Variants in CDYL observed in about 807,000 individuals in gnomAD.
CDYL encodes chromodomain Y-like protein.
A neutral mutation model predicts 47.3 loss-of-function variants in CDYL; 8 were observed. The observed-to-expected ratio is 0.17, with a 90% CI of 0.10 to 0.31. CDYL has a LOEUF of 0.31. Among genes scored for constraint, CDYL ranks in the 10% least tolerant of loss-of-function variants. The probability of loss-of-function intolerance (pLI) is 1.00; values close to 1 mark genes in which losing one functional copy is unlikely to be tolerated. For synonymous variants in CDYL, 266 were observed against 265.0 expected, an observed-to-expected ratio of 1.00 and a Z score of -0.04; for missense variants, 471 against 701.4, an observed-to-expected ratio of 0.67 and a Z score of 3.71.
chr6:4,804,834 T>G (rs2127441152), intron 1 of CDYL, among the ~76,000 whole-genome samples: 1 of 152,338 alleles, frequency 6.6e-6, no homozygotes, highest in African/African-American at 2.4e-5. Flanking sequence ...CTGGAAGGCT[T>G]TTTTAGTCCA....
chr6:4,723,324 T>C (rs1332400741), intron 2 of CDYL, among the ~76,000 whole-genome samples: 1 of 151,920 alleles, frequency 6.6e-6, no homozygotes, highest in East Asian at 1.9e-4. Context: ...ATTCCTAGGG[T>C]CCTAGAACCA....
chr6:4,857,544 G>A (rs1234924073), intron 1 of CDYL, among the ~76,000 whole-genome samples: 1 of 152,138 alleles, frequency 6.6e-6, no homozygotes, highest in Non-Finnish European at 1.5e-5. Flanking sequence ...TTGTAGCTTT[G>A]TAGGCCTTTG....
chr6:4,893,229 G>T (rs1264651034), intron 2 of CDYL, among the ~76,000 whole-genome samples: 1 of 152,200 alleles, frequency 6.6e-6, no homozygotes, highest in African/African-American at 2.4e-5. Context: ...CCACCCCATT[G>T]CCTTCAGTAG....
chr6:4,708,953 G>A (rs560579196), intron 1 of CDYL, among the ~76,000 whole-genome samples: 15 of 152,236 alleles, frequency 9.9e-5, no homozygotes, highest in African/African-American at 3.6e-4. Context: ...GTTGCAGTGA[G>A]CCAAGATCAT....
intron 1 of CDYL, among the ~76,000 whole-genome samples, chr6:4,807,845 G>A (rs983172745): frequency 4.6e-5 from 7 of 151,840 alleles, no homozygotes; most frequent in African/African-American, 1.5e-4. Flanking sequence ...GGGGTCAAGC[G>A]ATCCACTTGC....
intron 1 of CDYL, among the ~76,000 whole-genome samples, chr6:4,789,024 C>T (rs1035937428): frequency 1.1e-4 from 16 of 152,038 alleles, no homozygotes; most frequent in East Asian, 1.9e-4. Context: ...CATTCTGTCC[C>T]GGGAATAGCC....
At chr6:4,861,300 G>T (rs1014847629) in intron 1 of CDYL, among the ~76,000 whole-genome samples, 5 of 152,240 alleles carry the variant, frequency 3.3e-5, no homozygotes, top group African/African-American at 1.2e-4. Flanking sequence ...TTAACTGTGG[G>T]CATAAGTTGT....
intron 1 of CDYL, among the ~76,000 whole-genome samples, chr6:4,834,617 G>T (rs1284816182): frequency 1.3e-5 from 2 of 151,052 alleles, no homozygotes; most frequent in South Asian, 2.1e-4. Context: ...CTGAATGTTG[G>T]CCTGCCTTGC....
chr6:4,769,802 G>A (rs914211691), intron 3 of CDYL, among the ~76,000 whole-genome samples: 1 of 152,180 alleles, frequency 6.6e-6, no homozygotes, highest in Non-Finnish European at 1.5e-5. Flanking sequence ...TTTTGTTTTT[G>A]TTTTTGTTTT....
chr6:4,934,987 C>T (rs1193033002), intron 2 of CDYL, among the ~76,000 whole-genome samples: 1 of 152,206 alleles, frequency 6.6e-6, no homozygotes, highest in Non-Finnish European at 1.5e-5. Context: ...GAAACAACTC[C>T]TGAGTGTCCC....
intron 3 of CDYL, among the ~76,000 whole-genome samples, chr6:4,752,038 G>A (rs1166412383): frequency 6.6e-6 from 1 of 152,126 alleles, no homozygotes; most frequent in Non-Finnish European, 1.5e-5. Context: ...AACATGTGTT[G>A]CTGCACATGT....
At chr6:4,732,126 G>A (rs1757615982) in intron 2 of CDYL, among the ~76,000 whole-genome samples, 1 of 152,162 alleles carries the variant, frequency 6.6e-6, no homozygotes, top group Non-Finnish European at 1.5e-5. Context: ...CTTGAGCCAA[G>A]GAGTTTGGGA....
At position 4,895,487 on chromosome 6, in the gene CDYL, A is replaced by C. The variant is rs1412155827; in HGVS notation, c.691+3108A>C. On this transcript the variant is annotated intron_variant, in intron 2 of 6. Transcript: ENST00000397588. Reference sequence around the variant, plus strand: ...TACATATATACGTATATATGTATATATACATGTATACATATATACGTATAT... The same window carrying C: ...TACATATATACGTATATATGTATATCTACATGTATACATATATACGTATAT... 1.1e-3 allele frequency among the ~76,000 whole-genome samples: 131 copies of C among 123,170 alleles called. 40 individuals carry two copies. Among genetic ancestry groups the C allele is most frequent in the African/African-American group, 4.0e-3 (126 of 31,802 alleles). The allele number at this position is 123,170 out of a possible 152,430, so 80.8% of individuals were successfully genotyped here.
chr6:4,895,107 G>A (rs1233384165), intron 2 of CDYL, among the ~76,000 whole-genome samples: 1 of 150,510 alleles, frequency 6.6e-6, no homozygotes, highest in Admixed American at 6.6e-5. Context: ...GTGTGTATAT[G>A]TATCTATATG....
At chr6:4,745,870 G>A (rs575759965) in intron 3 of CDYL, among the ~76,000 whole-genome samples, 36 of 152,290 alleles carry the variant, frequency 2.4e-4, no homozygotes, top group South Asian at 1.2e-3. Flanking sequence ...CAGTAGTGGA[G>A]GCAACAGTGC....
At chr6:4,900,420 T>C (rs1250987125) in intron 2 of CDYL, among the ~76,000 whole-genome samples, 1 of 152,180 alleles carries the variant, frequency 6.6e-6, no homozygotes, top group Non-Finnish European at 1.5e-5. Flanking sequence ...TTCCCTCTCC[T>C]CTTTCTCCCC....
chr6:4,781,104 A>G (rs1232877467), intron 1 of CDYL, among the ~76,000 whole-genome samples: 1 of 152,246 alleles, frequency 6.6e-6, no homozygotes, highest in Non-Finnish European at 1.5e-5. Context: ...TTCATTTTCA[A>G]AAATGGAAGT....
intron 3 of CDYL, among the ~76,000 whole-genome samples, chr6:4,937,265 G>A (rs529169933): frequency 2.7e-5 from 4 of 148,688 alleles, no homozygotes; most frequent in South Asian, 2.2e-4. Flanking sequence ...AGGCTGAGGC[G>A]GGAGGATTGT....
At chr6:4,772,254 T>C (rs932814888), upstream of CDYL, among the ~76,000 whole-genome samples, 1 of 152,186 alleles carries the variant, frequency 6.6e-6, no homozygotes, top group African/African-American at 2.4e-5. Context: ...ACTAGTGATA[T>C]CTGGCCAAGG....
Sources: gnomAD v4.1 joint callset for allele counts (sites outside exome capture counted in the v4.1 genomes callset) on GRCh38, gnomAD v4.1.1 for gene constraint, MANE v1.5 for transcripts, NCBI Gene and HGNC (gene_info 2026-07-23, HGNC 2026-07-21) for gene names.